PGAP1: variants seen among roughly 807,000 people sequenced by gnomAD.
PGAP1 encodes post-GPI attachment to proteins inositol deacylase 1.
PGAP1 carries 76 observed loss-of-function variants against 127.0 expected under a neutral mutation model. The observed-to-expected ratio is 0.60, with a 90% confidence interval of 0.50 to 0.72. The LOEUF (loss-of-function observed/expected upper bound fraction) is 0.72. PGAP1 is among the 30% of genes least tolerant of loss of function. The pLI, the probability that PGAP1 is intolerant of heterozygous loss-of-function variation, is 0.00. For synonymous variants in PGAP1, 362 were observed against 366.5 expected (o/e 0.99, Z 0.14); for missense variants, 982 against 1,071.3 (o/e 0.92, Z 1.16).
rs1700323708 is a variant in PGAP1 at position 196,838,960 on chromosome 2, C to G, written c.*2274G>C. The G allele has an allele frequency of 6.6e-6, 1 of 152,462 alleles. No homozygotes were observed. Among genetic ancestry groups the G allele is most frequent in the Non-Finnish European group, 1.5e-5 (1 of 68,212 alleles). The allele number at this position is 152,462 out of a possible 1,614,324, so 9.4% of individuals were successfully genotyped here. On this transcript the variant is annotated 3_prime_UTR_variant, in exon 27 of 27. Coordinates refer to ENST00000354764, the MANE Select transcript of PGAP1 (RefSeq NM_024989.4). ...TCGGGAGGCTGAGGCAGGGGCATCA[C>G]TTGCACCTGGGAGGTGGAGGTTGCA...
At chr2:196,894,940 T>C (rs1702225573) in intron 7 of PGAP1, among the ~76,000 whole-genome samples, 1 of 152,222 alleles carries the variant, frequency 6.6e-6, no homozygotes, top group African/African-American at 2.4e-5. Flanking sequence ...ATTACTCTGA[T>C]TCCTGCCTTA....
chr2:196,919,926 G>T, intron 2 of PGAP1, 71 bp downstream of exon 2: 1 of 1,449,118 alleles, frequency 6.9e-7, no homozygotes, highest in Non-Finnish European at 9.4e-7. Context: ...TTGATTCACC[G>T]AGTATGGATA....
At position 196,834,603 on chromosome 2, in the gene PGAP1, AAT is replaced by A. The variant is rs768242899; in HGVS notation, c.*6629_*6630del. ...AACTATAATACAATCACTTCAAAAT[AAT>A]ATGTCATTTTTATATTTTTAAAAAT... is the stretch of plus-strand genomic sequence containing the variant. On this transcript the variant is annotated 3_prime_UTR_variant, in exon 27 of 27. Coordinates refer to ENST00000354764, the MANE Select transcript of PGAP1 (RefSeq NM_024989.4). 8.5e-5 allele frequency: 13 copies of A among 152,450 alleles called. No homozygotes were observed. The highest frequency in any genetic ancestry group is 2.2e-4 in the African/African-American group (9 of 41,450). The allele number at this position is 152,450 out of a possible 1,614,324, so 9.4% of individuals were successfully genotyped here. A position where few individuals can be genotyped will look rare whatever the true frequency, so the allele number is the denominator to read the frequency against.
At chr2:196,873,180 AAAT>A (rs1363994493) in intron 16 of PGAP1, among the ~76,000 whole-genome samples, 154 bp from the exon 17 acceptor site, 6 of 152,076 alleles carry the variant, frequency 3.9e-5, no homozygotes, top group Non-Finnish European at 8.8e-5. Flanking sequence ...GCGAATTCCT[AAAT>A]AATAATGCTT....
At chr2:196,875,896 G>C (rs551111145) in intron 13 of PGAP1, 75 bp from the exon 14 acceptor site, 1 of 753,346 alleles carries the variant, frequency 1.3e-6, no homozygotes, top group South Asian at 1.7e-5. Context: ...TGATGTTTGA[G>C]TGGAAAATAA....
intron 19 of PGAP1, among the ~76,000 whole-genome samples, chr2:196,870,125 T>C (rs917534462): frequency 1.3e-5 from 2 of 152,350 alleles, no homozygotes; most frequent in Non-Finnish European, 2.9e-5. Flanking sequence ...TATTTGCTAA[T>C]GAATTCAACA....
chr2:196,903,576 A>G (rs951813709), intron 4 of PGAP1, among the ~76,000 whole-genome samples: 7 of 151,510 alleles, frequency 4.6e-5, no homozygotes, highest in East Asian at 1.9e-4. Flanking sequence ...AAAAAAAAAA[A>G]AAAAAGAAAA....
rs1036748393 is a variant in PGAP1 at position 196,838,939 on chromosome 2, G to T, written c.*2295C>A. ...GGTGTCTGTAGTCCCAGCTACTCGG[G>T]AGGCTGAGGCAGGGGCATCACTTGC... On this transcript the variant is annotated 3_prime_UTR_variant, in exon 27 of 27. Coordinates refer to ENST00000354764, the MANE Select transcript of PGAP1 (RefSeq NM_024989.4). The T allele has an allele frequency of 6.6e-6, 1 of 152,438 alleles. No individual in the cohort carries two copies. The highest frequency in any genetic ancestry group is 2.4e-5 in the African/African-American group (1 of 41,436). 9.4% of individuals were successfully genotyped at this position (152,438 alleles called of 1,614,324 possible). A position where few individuals can be genotyped will look rare whatever the true frequency, so the allele number is the denominator to read the frequency against.
At chr2:196,890,599 C>A (rs1218252422) in intron 10 of PGAP1, among the ~76,000 whole-genome samples, 1 of 151,976 alleles carries the variant, frequency 6.6e-6, no homozygotes, top group Non-Finnish European at 1.5e-5. Context: ...GGCAGAAAGA[C>A]AGGGTGGGAG....
rs924922950 is a variant in PGAP1 at position 196,837,243 on chromosome 2, C to A, written c.*3991G>T. ...AACTAAACTGAAAACTGAATTTTAC[C>A]ACCTTTTATTTCCCTTGGCCACAAA... On this transcript the variant is annotated 3_prime_UTR_variant, in exon 27 of 27. Coordinates refer to ENST00000354764, the MANE Select transcript of PGAP1 (RefSeq NM_024989.4). 1 of 152,094 alleles carries A rather than the reference C, an allele frequency of 6.6e-6. No individual in the cohort carries two copies. The highest frequency in any genetic ancestry group is 2.4e-5 in the African/African-American group (1 of 41,398). The allele number at this position is 152,094 out of a possible 1,614,324, so 9.4% of individuals were successfully genotyped here.
chr2:196,858,837 G>A (rs1203836956), intron 20 of PGAP1, among the ~76,000 whole-genome samples: 1 of 152,010 alleles, frequency 6.6e-6, no homozygotes, highest in East Asian at 1.9e-4. Flanking sequence ...AAAGAGAGAA[G>A]ATGCAAATAA....
intron 20 of PGAP1, among the ~76,000 whole-genome samples, chr2:196,861,716 G>A (rs1221102642): frequency 1.3e-5 from 2 of 152,116 alleles, no homozygotes; most frequent in African/African-American, 4.8e-5. Flanking sequence ...CTGAAGCCAT[G>A]GCAGAAGAAT....
chr2:196,882,575 C>T (rs768141310), intron 12 of PGAP1, among the ~76,000 whole-genome samples: 1 of 151,992 alleles, frequency 6.6e-6, no homozygotes, highest in Non-Finnish European at 1.5e-5. Flanking sequence ...TCTCTCTGAT[C>T]AGTTGTATTC....
At chr2:196,879,091 C>A (rs1333308804) in intron 13 of PGAP1, among the ~76,000 whole-genome samples, 1 of 151,990 alleles carries the variant, frequency 6.6e-6, no homozygotes, top group East Asian at 1.9e-4. Flanking sequence ...AAAGTGGGGT[C>A]TCATTATGTT....
intron 20 of PGAP1, among the ~76,000 whole-genome samples, chr2:196,859,668 C>T (rs532828707): frequency 5.3e-5 from 8 of 152,164 alleles, no homozygotes; most frequent in Middle Eastern, 3.4e-3. Context: ...TCATTCACCA[C>T]GATGAAGTGG....
intron 12 of PGAP1, among the ~76,000 whole-genome samples, chr2:196,881,629 G>C (rs537705087): frequency 7.9e-5 from 12 of 151,454 alleles, no homozygotes; most frequent in Non-Finnish European, 1.6e-4. Flanking sequence ...GTGATGTTGA[G>C]CTATTTTTCC....
intron 1 of PGAP1, among the ~76,000 whole-genome samples, chr2:196,924,403 G>T (rs561650528): frequency 1.3e-5 from 2 of 152,182 alleles, no homozygotes; most frequent in East Asian, 3.9e-4. Flanking sequence ...ATTCATGAAA[G>T]CCATTTGGTT....
intron 18 of PGAP1, 25 bp downstream of exon 18, chr2:196,872,416 A>C (rs754401046): frequency 2.7e-6 from 4 of 1,487,680 alleles, no homozygotes; most frequent in Non-Finnish European, 3.7e-6. Context: ...CTAAATCTTA[A>C]AAATTAATCA....
chr2:196,849,455 T>TA (rs1700656140), intron 20 of PGAP1, among the ~76,000 whole-genome samples: 1 of 150,712 alleles, frequency 6.6e-6, no homozygotes. Context: ...TTTTTTTTTT[T>TA]AGTAGAGACG....
Sources: gnomAD v4.1 joint callset for allele counts (sites outside exome capture counted in the v4.1 genomes callset) on GRCh38, gnomAD v4.1.1 for gene constraint, MANE v1.5 for transcripts, NCBI Gene and HGNC (gene_info 2026-07-23, HGNC 2026-07-21) for gene names.